Variants in ADAM23 observed in about 807,000 individuals in gnomAD.
ADAM23 encodes the protein ADAM metallopeptidase domain 23.
In ADAM23, 33 loss-of-function variants were observed where a neutral mutation model predicts 120.1. That is an observed-to-expected ratio of 0.27 (90% confidence interval 0.21 to 0.37). The LOEUF is 0.37. ADAM23 is among the 10% of genes least tolerant of loss of function. ADAM23 has a pLI of 1.00. For missense variants in ADAM23, 862 were observed against 1,058.2 expected, an observed-to-expected ratio of 0.81 and a Z score of 2.57; for synonymous variants, 367 against 375.2, an observed-to-expected ratio of 0.98 and a Z score of 0.25.
At chr2:206,483,446 G>T (rs1227653703) in intron 3 of ADAM23, among the ~76,000 whole-genome samples, 2 of 152,098 alleles carry the variant, frequency 1.3e-5, no homozygotes, top group South Asian at 4.1e-4. Context: ...AGTAGACTTG[G>T]TAGGTATTTT....
At chr2:206,551,911 AAG>A (rs1697535674) in intron 9 of ADAM23, among the ~76,000 whole-genome samples, 1 of 152,214 alleles carries the variant, frequency 6.6e-6, no homozygotes, top group African/African-American at 2.4e-5. Context: ...CATATAATTT[AAG>A]AGAGGTCCTT....
At position 206,542,052 on chromosome 2, in the gene ADAM23, G is replaced by A. The variant is rs1697301170; in HGVS notation, c.574G>A (p.Gly192Ser). 1.2e-6 allele frequency: 2 copies of A among 1,613,918 alleles called. No individual in the cohort carries two copies. The highest frequency in any genetic ancestry group is 8.5e-7 in the Non-Finnish European group (1 of 1,179,880). ...YENGKPQYSK[G>S]GEHCYYHGSI... ...CCAATCAATGAAACCTGCTTTCCAG[G>A]GTGGAGAGCACTGTTACTACCATGG... Residue 192 changes from glycine to serine, a missense_variant and splice_region_variant, in exon 5 of 26, where the codon GGT (glycine) becomes AGT (serine). Physicochemically the swap from Gly to Ser is moderately conservative, Grantham distance 56 (BLOSUM62 0). Around this residue, in one of 4 missense-constraint regions of ADAM23, gnomAD observed 617 missense variants for 813.5 expected, o/e 0.76. Coordinates refer to ENST00000264377, the MANE Select transcript of ADAM23 (RefSeq NM_003812.4).
rs529581633 is a variant in ADAM23, at chr2:206,528,839, C to T, written c.510-2046C>T. Among the ~76,000 whole-genome samples, 443 of 152,338 alleles carry T rather than the reference C, an allele frequency of 2.9e-3. 4 individuals are homozygous for T. The highest frequency in any genetic ancestry group is 0.01 in the African/African-American group (419 of 41,582). The stretch of plus-strand genomic sequence containing the variant: ...AATAAAGACCCAAGTTTAGAGCATA[C>T]AGCTGGCTTAGAGTGGGACCTACTC... On this transcript the variant is annotated intron_variant, in intron 3 of 25. Transcript: ENST00000264377.
At chr2:206,454,664 A>G (rs766598670) in intron 2 of ADAM23, among the ~76,000 whole-genome samples, 4 of 152,234 alleles carry the variant, frequency 2.6e-5, no homozygotes, top group Admixed American at 6.5e-5. Context: ...AGTTACTTCC[A>G]AGATACAGTG....
At chr2:206,447,404 G>T (rs955881263) in intron 2 of ADAM23, among the ~76,000 whole-genome samples, 1 of 152,146 alleles carries the variant, frequency 6.6e-6, no homozygotes, top group Non-Finnish European at 1.5e-5. Context: ...AAGAGATAAA[G>T]GTTAAAAGGA....
At chr2:206,499,155 C>T (rs1486615404) in intron 3 of ADAM23, among the ~76,000 whole-genome samples, 1 of 151,620 alleles carries the variant, frequency 6.6e-6, no homozygotes, top group East Asian at 1.9e-4. Flanking sequence ...GGTATGTACC[C>T]AAAGGATTGT....
At chr2:206,529,287 A>G (rs1215840840) in intron 3 of ADAM23, among the ~76,000 whole-genome samples, 1 of 152,186 alleles carries the variant, frequency 6.6e-6, no homozygotes, top group African/African-American at 2.4e-5. Context: ...ATCCTTGACC[A>G]TCTCCATTTG....
intron 15 of ADAM23, 76 bp from the exon 16 acceptor site, chr2:206,570,664 G>T (rs1194591537): frequency 1.8e-6 from 2 of 1,117,900 alleles, no homozygotes; most frequent in Admixed American, 1.7e-5. Flanking sequence ...TACGGCCATT[G>T]TATGTGGCCC....
At chr2:206,462,204 A>T (rs752889870) in intron 2 of ADAM23, among the ~76,000 whole-genome samples, 4 of 152,204 alleles carry the variant, frequency 2.6e-5, no homozygotes, top group Admixed American at 1.3e-4. Context: ...GCACACTTAC[A>T]CCTGTAAAGT....
rs576003744 is a variant in ADAM23, at chr2:206,598,952, C to T, written c.2359+2790C>T. Among the ~76,000 whole-genome samples, 395 of 151,364 alleles carry T rather than the reference C, an allele frequency of 2.6e-3. 2 individuals carry two copies. Among genetic ancestry groups the T allele is most frequent in the Non-Finnish European group, 4.3e-3 (293 of 67,882 alleles). On this transcript the variant is annotated intron_variant, in intron 24 of 25. Transcript: ENST00000264377. ...AGGCACGGTGGCTTACACCTGTTAT[C>T]CCAGCACTTTGGGAGGCCCAGGCAG...
In ADAM23 at chr2:206,589,362, A is replaced by T. The variant is rs200550722; in HGVS notation, c.1853-47A>T. On this transcript the variant is annotated intron_variant, in intron 20 of 25. Transcript: ENST00000264377. Reference sequence around the variant, plus strand: ...ACTGGCACACTACTGGTTATGGATAACAAAGAAAATGAAAATTAATTTTCT... The same window carrying T: ...ACTGGCACACTACTGGTTATGGATATCAAAGAAAATGAAAATTAATTTTCT... 1,978 of 1,533,182 alleles carry T rather than the reference A, an allele frequency of 1.3e-3. 4 individuals carry two copies. Among genetic ancestry groups the T allele is most frequent in the Non-Finnish European group, 1.6e-3 (1,793 of 1,123,450 alleles). The allele number at this position is 1,533,182 out of a possible 1,614,324, so 95.0% of individuals were successfully genotyped here. A position where few individuals can be genotyped will look rare whatever the true frequency, so the allele number is the denominator to read the frequency against.
chr2:206,531,204 T>G (rs556728644), intron 4 of ADAM23, among the ~76,000 whole-genome samples: 4 of 152,286 alleles, frequency 2.6e-5, no homozygotes, highest in Non-Finnish European at 5.9e-5. Context: ...AGCTATACAG[T>G]TCCATATCAG....
intron 2 of ADAM23, among the ~76,000 whole-genome samples, chr2:206,450,170 C>A (rs938264833): frequency 6.6e-6 from 1 of 152,130 alleles, no homozygotes; most frequent in African/African-American, 2.4e-5. Flanking sequence ...TTTTACAATT[C>A]TGGAACATAA....
At chr2:206,456,943 A>G (rs4675613) in intron 2 of ADAM23, among the ~76,000 whole-genome samples, 151,571 of 152,316 alleles carry the variant, frequency 1, 75,417 homozygotes, top group East Asian at 1. Flanking sequence ...TTGTAGTCTG[A>G]ATCACTTAGT....
At chr2:206,615,884 C>T (rs3770983) in intron 25 of ADAM23, among the ~76,000 whole-genome samples, 114,499 of 152,210 alleles carry the variant, frequency 0.75, 43,387 homozygotes, top group African/African-American at 0.85. Context: ...ATTGCTGTTA[C>T]GACCTTGGAC....
At chr2:206,599,870 G>A (rs1698603053) in intron 24 of ADAM23, among the ~76,000 whole-genome samples, 1 of 152,152 alleles carries the variant, frequency 6.6e-6, no homozygotes, top group South Asian at 2.1e-4. Flanking sequence ...CTTACTGTAG[G>A]CTCAGCAGTG....
chr2:206,445,092 G>A (rs1479504230), intron 1 of ADAM23, among the ~76,000 whole-genome samples: 1 of 150,772 alleles, frequency 6.6e-6, no homozygotes, highest in Non-Finnish European at 1.5e-5. Context: ...AGTTGTATAA[G>A]CCTTATTGGC....
At chr2:206,456,742 C>T (rs1695309108) in intron 2 of ADAM23, among the ~76,000 whole-genome samples, 1 of 152,210 alleles carries the variant, frequency 6.6e-6, no homozygotes, top group South Asian at 2.1e-4. Flanking sequence ...ATTCCTGGAC[C>T]ACTTCTTTTT....
At chr2:206,476,130 G>A (rs953286587) in intron 2 of ADAM23, among the ~76,000 whole-genome samples, 20 of 152,190 alleles carry the variant, frequency 1.3e-4, no homozygotes, top group African/African-American at 4.3e-4. Flanking sequence ...TCTTCTTTAC[G>A]AAGTTGAATG....
Sources: allele counts gnomAD v4.1 joint callset (sites outside exome capture counted in the v4.1 genomes callset), GRCh38; gene constraint gnomAD v4.1.1; regional missense constraint gnomAD v4.1.1; transcripts MANE v1.5; gene names NCBI Gene and HGNC (gene_info 2026-07-23, HGNC 2026-07-21).